The following MEF2A variants were observed in gnomAD, a reference collection of about 807,000 sequenced individuals.
The protein encoded by MEF2A is myocyte-specific enhancer factor 2A.
Under a neutral mutation model 55.8 loss-of-function variants are expected in MEF2A, and 28 were observed. The observed-to-expected ratio is 0.50, with a 90% CI of 0.37 to 0.69. The LOEUF (loss-of-function observed/expected upper bound fraction) is 0.69. Among genes scored for constraint, MEF2A ranks in the 30% least tolerant of loss-of-function variants. MEF2A has a pLI of 0.00. For synonymous variants in MEF2A, 239 were observed against 227.1 expected (o/e 1.05, Z -0.47); for missense variants, 528 against 626.2 (o/e 0.84, Z 1.67).
chr15:99,638,597 G>A (rs114755708), intron 3 of MEF2A, among the ~76,000 whole-genome samples: 1 of 151,860 alleles, frequency 6.6e-6, no homozygotes. Flanking sequence ...AGCCTAGTAC[G>A]TTCTTAATTT....
At position 99,585,679 on chromosome 15, in the gene MEF2A, CTG is replaced by C. The variant is rs577224227; in HGVS notation, c.-224-12748_-224-12747del. 3.8e-4 allele frequency among the ~76,000 whole-genome samples: 55 copies of C among 145,918 alleles called. 1 individual carries two copies. In the East Asian group the frequency reaches 1.0e-2, roughly 26 times the overall value. On this transcript the variant is annotated intron_variant, in intron 1 of 11. Transcript: ENST00000557942. The stretch of plus-strand genomic sequence containing the variant: ...AGGAGTTTTTAGTGTATGCCAGTCA[CTG>C]TGCTGAGCACATTACATGCTTACTT...
chr15:99,624,938 C>T (rs376430685), intron 2 of MEF2A, among the ~76,000 whole-genome samples: 5 of 152,184 alleles, frequency 3.3e-5, no homozygotes, highest in East Asian at 3.9e-4. Context: ...GTTTGACTTA[C>T]GATTTTTCGA....
At chr15:99,583,412 T>TGTTTAACCAAAGTCATGCATG (rs1216167763) in intron 1 of MEF2A, among the ~76,000 whole-genome samples, 2 of 152,144 alleles carry the variant, frequency 1.3e-5, no homozygotes, top group East Asian at 3.8e-4. Context: ...TTTACTAGAT[T>TGTTTAACCAAAGTCATGCATG]GTTTAACCAA....
intron 9 of MEF2A, 131 bp downstream of exon 9, chr15:99,703,516 T>A (rs1222126468): frequency 6.9e-6 from 5 of 724,268 alleles, no homozygotes; most frequent in Non-Finnish European, 1.1e-5. Context: ...ACACTTTGAA[T>A]AAAGCAATCT....
chr15:99,713,565 T>C lies in MEF2A; in HGVS notation c.*794T>C, dbSNP rs1280225849. Reference sequence around the variant, plus strand: ...ATATCTTAAAAATTAAAGAAACTGATTTTAGCTCATGTATATTTTATATGA... The same window carrying C: ...ATATCTTAAAAATTAAAGAAACTGACTTTAGCTCATGTATATTTTATATGA... On this transcript the variant is annotated 3_prime_UTR_variant, in exon 12 of 12. Transcript: ENST00000557942. The C allele has an allele frequency of 6.6e-6, 1 of 152,232 alleles. No homozygotes were observed. Among genetic ancestry groups the C allele is most frequent in the Non-Finnish European group, 1.5e-5 (1 of 68,046 alleles). 9.4% of individuals were successfully genotyped at this position (152,232 alleles called of 1,614,324 possible). A position where few individuals can be genotyped will look rare whatever the true frequency, so the allele number is the denominator to read the frequency against.
At position 99,569,279 on chromosome 15, in the gene MEF2A, A is replaced by G. The variant is rs113552501; in HGVS notation, c.-225+3175A>G. ...ACACTGCGTGAAGCTTCATGTGCGA[A>G]AATGCGTATTGCCTGATCTCCCTGC... On this transcript the variant is annotated intron_variant, in intron 1 of 11. Transcript: ENST00000557942. Among the ~76,000 whole-genome samples the G allele has an allele frequency of 3.8e-3, 575 of 152,346 alleles. 4 individuals carry two copies. The highest frequency in any genetic ancestry group is 0.013 in the African/African-American group (542 of 41,578).
chr15:99,619,639 T>C (rs1020173731), intron 2 of MEF2A, among the ~76,000 whole-genome samples: 1 of 152,234 alleles, frequency 6.6e-6, no homozygotes, highest in Non-Finnish European at 1.5e-5. Flanking sequence ...TAAATGTTAA[T>C]GTGTTCTATA....
At chr15:99,637,162 T>C (rs193227508) in intron 3 of MEF2A, among the ~76,000 whole-genome samples, 1 of 152,218 alleles carries the variant, frequency 6.6e-6, no homozygotes, top group Admixed American at 6.5e-5. Context: ...CTTGCCCTTT[T>C]TCAGAATATC....
At chr15:99,693,425 ACACACACACACAGATGTATG>A (rs768206210) in intron 8 of MEF2A, among the ~76,000 whole-genome samples, 48 of 151,388 alleles carry the variant, frequency 3.2e-4, no homozygotes, top group Admixed American at 1.1e-3. Context: ...GCACGCATGC[ACACACACACACAGATGTATG>A]CACGCACACA....
intron 10 of MEF2A, among the ~76,000 whole-genome samples, chr15:99,710,387 C>T (rs1392235009): frequency 1.3e-5 from 2 of 152,176 alleles, no homozygotes; most frequent in Non-Finnish European, 2.9e-5. Flanking sequence ...GGACTACAGG[C>T]ATGCGCCACC....
chr15:99,600,692 A>G lies in MEF2A; in HGVS notation c.-143+2181A>G, dbSNP rs570980108. On this transcript the variant is annotated intron_variant, in intron 2 of 11. Coordinates refer to ENST00000557942, the MANE Select transcript of MEF2A (RefSeq NM_001319206.4). ...TCCCCTGTTGAATTATCATGGCACC[A>G]TTGTTGAACATTAATTGGCCATTAT... Among the ~76,000 whole-genome samples, 75 of 152,224 alleles carry G rather than the reference A, an allele frequency of 4.9e-4. 1 individual carries two copies. Among genetic ancestry groups the G allele is most frequent in the African/African-American group, 1.7e-3 (70 of 41,540 alleles).
At chr15:99,687,084 C>CTTTTATTTTTTTT (rs2054392790) in intron 7 of MEF2A, among the ~76,000 whole-genome samples, 1 of 67,748 alleles carries the variant, frequency 1.5e-5, no homozygotes, top group Non-Finnish European at 2.6e-5. Flanking sequence ...ATTAATTTTT[C>CTTTTATTTTTTTT]TTTTTTTTTT....
intron 11 of MEF2A, 62 bp downstream of exon 11, chr15:99,710,822 C>A (rs1036888727): frequency 3.6e-5 from 55 of 1,537,286 alleles, no homozygotes; most frequent in Non-Finnish European, 4.6e-5. Flanking sequence ...CTTTTCCTAT[C>A]AGTGACAGCC....
chr15:99,697,435 C>A (rs2056654473), intron 8 of MEF2A, among the ~76,000 whole-genome samples: 1 of 150,724 alleles, frequency 6.6e-6, no homozygotes. Context: ...TATATGCCAG[C>A]AGTGAACAAT....
At chr15:99,582,796 A>G (rs565678489) in intron 1 of MEF2A, among the ~76,000 whole-genome samples, 3 of 152,130 alleles carry the variant, frequency 2.0e-5, no homozygotes, top group Non-Finnish European at 4.4e-5. Context: ...AAATTTTGAC[A>G]TGCATGATGC....
At position 99,690,232 on chromosome 15, in the gene MEF2A, T is replaced by C. The variant is rs879014553; in HGVS notation, c.671-9T>C. The stretch of plus-strand genomic sequence containing the variant: ...TTCTCACTTTATTGAATGATATTTT[T>C]CCCCCCAGGGAATGGATTTGTAAAC... On this transcript the variant is annotated splice_polypyrimidine_tract_variant and intron_variant, in intron 7 of 11. Coordinates refer to ENST00000557942, the MANE Select transcript of MEF2A (RefSeq NM_001319206.4). 53 of 1,611,524 alleles carry C rather than the reference T, an allele frequency of 3.3e-5. No homozygotes were observed. The South Asian group carries it at 4.9e-4, about 15-fold the overall frequency.
At chr15:99,669,642 G>A (rs74246791) in intron 4 of MEF2A, among the ~76,000 whole-genome samples, 2,740 of 152,256 alleles carry the variant, frequency 0.018, 80 homozygotes, top group African/African-American at 0.058. Context: ...ATAAGCTAAC[G>A]TATCTGTACT....
At chr15:99,634,821 G>A (rs1388880719) in intron 3 of MEF2A, among the ~76,000 whole-genome samples, 3 of 152,202 alleles carry the variant, frequency 2.0e-5, no homozygotes, top group Admixed American at 2.0e-4. Flanking sequence ...GCCAAATGGG[G>A]CAAGGACTAT....
At chr15:99,640,602 G>A (rs2044714307) in intron 3 of MEF2A, among the ~76,000 whole-genome samples, 1 of 147,510 alleles carries the variant, frequency 6.8e-6, no homozygotes, top group African/African-American at 2.5e-5. Flanking sequence ...TGTCACCCAG[G>A]CCAGAGTGCA....
Sources: allele counts gnomAD v4.1 joint callset (sites outside exome capture counted in the v4.1 genomes callset), GRCh38; gene constraint gnomAD v4.1.1; transcripts MANE v1.5; gene names NCBI Gene and HGNC (gene_info 2026-07-23, HGNC 2026-07-21).